The following IL26 variants were observed in gnomAD, a reference collection of about 807,000 sequenced individuals.
IL26 encodes interleukin-26.
In IL26, 23 loss-of-function variants were observed where a neutral mutation model predicts 21.7. The ratio of observed to expected loss-of-function variants is 1.06; its 90% CI spans 0.76 to 1.50. IL26 has a LOEUF of 1.50. Ranked by LOEUF, IL26 falls within the 40% of genes most tolerant of loss-of-function variation. The pLI is 0.00. For synonymous variants in IL26, 63 were observed against 67.8 expected (o/e 0.93, Z 0.34); for missense variants, 204 against 196.0 (o/e 1.04, Z -0.24).
chr12:68,217,713 G>C (rs952973837), intron 3 of IL26, among the ~76,000 whole-genome samples: 1 of 152,074 alleles, frequency 6.6e-6, no homozygotes, highest in Non-Finnish European at 1.5e-5. Flanking sequence ...CCCAGTGAAA[G>C]CAAACAATGC....
intron 3 of IL26, among the ~76,000 whole-genome samples, chr12:68,212,608 T>C (rs1868765537): frequency 6.6e-6 from 1 of 152,120 alleles, no homozygotes; most frequent in African/African-American, 2.4e-5. Flanking sequence ...GTTTTTCTTA[T>C]AGAGATCCTT....
intron 3 of IL26, among the ~76,000 whole-genome samples, chr12:68,204,141 A>ATTTTT (rs6144754): frequency 6.2e-5 from 7 of 113,194 alleles, no homozygotes; most frequent in South Asian, 2.8e-4. Context: ...GGATTCAAAG[A>ATTTTT]TTTTTTTTTT....
At chr12:68,217,923 G>T (rs1868936243) in intron 3 of IL26, among the ~76,000 whole-genome samples, 1 of 152,138 alleles carries the variant, frequency 6.6e-6, no homozygotes, top group South Asian at 2.1e-4. Flanking sequence ...AGGAGGAAGA[G>T]AAGGAAAAGA....
At chr12:68,202,140 T>C in intron 3 of IL26, 57 bp from the exon 4 acceptor site, 2 of 1,104,384 alleles carry the variant, frequency 1.8e-6, no homozygotes, top group South Asian at 3.0e-5. Context: ...AATGATACTC[T>C]TTCATTCATT....
chr12:68,210,422 C>T (rs191624762), intron 3 of IL26, among the ~76,000 whole-genome samples: 240 of 104,100 alleles, frequency 2.3e-3, no homozygotes, highest in Non-Finnish European at 3.6e-3. Flanking sequence ...AAACTACTGA[C>T]ACCAGAAAGA....
At position 68,224,285 on chromosome 12, in the gene IL26, T is replaced by TTTTTGTTTTGTTTTG. The variant is rs60633848; in HGVS notation, c.363+849_363+863dup. Among the ~76,000 whole-genome samples, 826 of 148,124 alleles carry TTTTTGTTTTGTTTTG rather than the reference T, an allele frequency of 5.6e-3. 2 individuals carry two copies. The highest frequency in any genetic ancestry group is 9.4e-3 in the Non-Finnish European group (632 of 67,300). On this transcript the variant is annotated intron_variant, in intron 3 of 4. Coordinates refer to ENST00000229134, the MANE Select transcript of IL26 (RefSeq NM_018402.2). ...ACATTGCACAGATTCTGGCTCAGTG[T>TTTTTGTTTTGTTTTG]TTTTGTTTTGTTTTGTTTTGTTTTG...
At chr12:68,212,896 T>C (rs1251960432) in intron 3 of IL26, among the ~76,000 whole-genome samples, 3 of 152,132 alleles carry the variant, frequency 2.0e-5, no homozygotes, top group Non-Finnish European at 2.9e-5. Context: ...TTCTCTTGAT[T>C]ATTTGCTGTG....
chr12:68,223,884 G>GTTTTTTTTTTTTTTTTTTTTTTTGTTT (rs376115904), intron 3 of IL26, among the ~76,000 whole-genome samples: 1 of 132,272 alleles, frequency 7.6e-6, no homozygotes, highest in Non-Finnish European at 1.6e-5. Flanking sequence ...AAATTTGGTG[G>GTTTTTTTTTTTTTTTTTTTTTTTGTTT]TTTTTTTTTT....
At chr12:68,210,338 C>CAAAAAAAA (rs540693081) in intron 3 of IL26, among the ~76,000 whole-genome samples, 12 of 22,092 alleles carry the variant, frequency 5.4e-4, no homozygotes, top group South Asian at 3.9e-3. Context: ...ATCAGTTTGG[C>CAAAAAAAA]AAAAAAAAAA....
rs1868390087 is a variant in IL26, at chr12:68,201,523, C to A, written c.*322G>T. 4.6e-6 allele frequency: 1 copy of A among 216,644 alleles called. No individual in the cohort carries two copies. Among genetic ancestry groups the A allele is most frequent in the Middle Eastern group, 1.8e-3 (1 of 562 alleles). The allele number at this position is 216,644 out of a possible 1,614,324, so 13.4% of individuals were successfully genotyped here. A position where few individuals can be genotyped will look rare whatever the true frequency, so the allele number is the denominator to read the frequency against. On this transcript the variant is annotated 3_prime_UTR_variant, in exon 5 of 5. Coordinates refer to ENST00000229134, the MANE Select transcript of IL26 (RefSeq NM_018402.2). ...AAATCTGTCATTCCCCCTCCACCCCCCACATCCCACTCCACACACAAATAT... is the reference window on the plus strand; with the variant it reads ...AAATCTGTCATTCCCCCTCCACCCCACACATCCCACTCCACACACAAATAT...
At position 68,201,786 on chromosome 12, in the gene IL26, T is replaced by C; in HGVS notation, c.*59A>G. ...AAGAAATAGACTGTTATAAACATATTTCTAGCAGTTCTTATTGTATTTCAA... is the reference window on the plus strand; with the variant it reads ...AAGAAATAGACTGTTATAAACATATCTCTAGCAGTTCTTATTGTATTTCAA... On this transcript the variant is annotated 3_prime_UTR_variant, in exon 5 of 5. Coordinates refer to ENST00000229134, the MANE Select transcript of IL26 (RefSeq NM_018402.2). 8.6e-7 allele frequency: 1 copy of C among 1,169,492 alleles called. No individual in the cohort carries two copies. Among genetic ancestry groups the C allele is most frequent in the Non-Finnish European group, 1.2e-6 (1 of 814,562 alleles). 72.4% of individuals were successfully genotyped at this position (1,169,492 alleles called of 1,614,324 possible).
chr12:68,204,534 C>A (rs575599682), intron 3 of IL26, among the ~76,000 whole-genome samples: 3 of 152,330 alleles, frequency 2.0e-5, no homozygotes, highest in African/African-American at 7.2e-5. Flanking sequence ...GCATTCCTGT[C>A]AACTGTGTCT....
At chr12:68,217,862 G>A (rs1868929108) in intron 3 of IL26, among the ~76,000 whole-genome samples, 1 of 152,064 alleles carries the variant, frequency 6.6e-6, no homozygotes, top group Admixed American at 6.5e-5. Context: ...CAGACTATGA[G>A]AAACTCTGTG....
intron 3 of IL26, among the ~76,000 whole-genome samples, chr12:68,205,173 C>T (rs1868502070): frequency 6.6e-6 from 1 of 152,130 alleles, no homozygotes; most frequent in South Asian, 2.1e-4. Flanking sequence ...ATATTTATCA[C>T]ATACTTACTA....
intron 3 of IL26, among the ~76,000 whole-genome samples, chr12:68,208,965 A>G (rs11571041): frequency 6.6e-6 from 1 of 152,336 alleles, no homozygotes; most frequent in South Asian, 2.1e-4. Flanking sequence ...AGGGTCCACA[A>G]GCCTACTTGT....
intron 3 of IL26, among the ~76,000 whole-genome samples, chr12:68,218,535 C>T (rs139764500): frequency 2.5e-3 from 383 of 151,104 alleles, no homozygotes; most frequent in Non-Finnish European, 4.1e-3. Flanking sequence ...CAATGAAACA[C>T]AGAAAAGACT....
chr12:68,210,384 A>AAAAAAAAAAAAC (rs1868685064), intron 3 of IL26, among the ~76,000 whole-genome samples: 1 of 119,346 alleles, frequency 8.4e-6, no homozygotes, highest in South Asian at 2.9e-4. Flanking sequence ...AAAAAAAAAA[A>AAAAAAAAAAAAC]CAGCACAAGC....
At chr12:68,208,552 G>T (rs1024346628) in intron 3 of IL26, among the ~76,000 whole-genome samples, 1 of 152,076 alleles carries the variant, frequency 6.6e-6, no homozygotes, top group Non-Finnish European at 1.5e-5. Context: ...AGGCTGGAGT[G>T]CAGTGGCGCG....
At chr12:68,207,720 G>C (rs1273455424) in intron 3 of IL26, among the ~76,000 whole-genome samples, 1 of 152,164 alleles carries the variant, frequency 6.6e-6, no homozygotes, top group African/African-American at 2.4e-5. Context: ...CCAGTTGCCA[G>C]ATGCTTTAAT....
Sources: gnomAD v4.1 joint callset for allele counts (sites outside exome capture counted in the v4.1 genomes callset) on GRCh38, gnomAD v4.1.1 for gene constraint, MANE v1.5 for transcripts, NCBI Gene and HGNC (gene_info 2026-07-23, HGNC 2026-07-21) for gene names.